Variants in NCOR1 observed in about 807,000 individuals in gnomAD.
NCOR1 encodes the protein nuclear receptor corepressor 1, also known as protein phosphatase 1, regulatory subunit 109.
Under a neutral mutation model 288.1 loss-of-function variants are expected in NCOR1, and 63 were observed. The observed-to-expected ratio is 0.22, with a 90% confidence interval of 0.18 to 0.27. The LOEUF (loss-of-function observed/expected upper bound fraction) is 0.27. Ranked by LOEUF, NCOR1 falls within the 10% of genes least tolerant of loss-of-function variation. The pLI is 1.00. For missense variants in NCOR1, 2,397 were observed against 3,019.2 expected, an observed-to-expected ratio of 0.79 and a Z score of 4.83; for synonymous variants, 1,007 against 1,065.9, an observed-to-expected ratio of 0.94 and a Z score of 1.08.
intron 42 of NCOR1, among the ~76,000 whole-genome samples, chr17:16,041,496 C>T (rs1445369428): frequency 6.7e-6 from 1 of 148,962 alleles, no homozygotes; most frequent in Non-Finnish European, 1.5e-5. Context: ...TCACTGCAAC[C>T]TCTGCCTCCT....
chr17:16,199,774 A>G (rs1034146514), intron 1 of NCOR1, among the ~76,000 whole-genome samples: 6 of 152,186 alleles, frequency 3.9e-5, no homozygotes, highest in African/African-American at 1.4e-4. Context: ...TGTTTAAGAA[A>G]TCTGATCGAG....
At chr17:16,198,735 A>C (rs2090302942) in intron 1 of NCOR1, 1 of 152,224 alleles carries the variant, frequency 6.6e-6, no homozygotes, top group Admixed American at 6.5e-5. Context: ...AAAAAAAAAA[A>C]AAAAAGAGTA....
intron 18 of NCOR1, among the ~76,000 whole-genome samples, 164 bp from the exon 19 acceptor site, chr17:16,109,076 T>A (rs1338822837): frequency 6.6e-6 from 1 of 152,136 alleles, no homozygotes; most frequent in Non-Finnish European, 1.5e-5. Context: ...CTCTCCATAA[T>A]CACTAACTGG....
At chr17:16,094,854 C>T (rs937675379) in intron 21 of NCOR1, among the ~76,000 whole-genome samples, 2 of 152,168 alleles carry the variant, frequency 1.3e-5, no homozygotes, top group African/African-American at 2.4e-5. Flanking sequence ...GATGGAGTCT[C>T]GTTAACTCAG....
At chr17:16,074,075 A>G (rs866852624) in intron 27 of NCOR1, among the ~76,000 whole-genome samples, 15 of 152,208 alleles carry the variant, frequency 9.9e-5, no homozygotes, top group Admixed American at 2.0e-4. Context: ...GAAAGGTACA[A>G]TAAAAGAACG....
chr17:16,081,004 C>T (rs1455170415), intron 23 of NCOR1, among the ~76,000 whole-genome samples: 2 of 151,666 alleles, frequency 1.3e-5, no homozygotes, highest in African/African-American at 4.8e-5. Flanking sequence ...ATAAATAAAG[C>T]ACTTATATGT....
intron 21 of NCOR1, among the ~76,000 whole-genome samples, chr17:16,092,274 G>C (rs532741745): frequency 7.2e-5 from 11 of 152,218 alleles, no homozygotes; most frequent in Middle Eastern, 3.4e-3. Flanking sequence ...CAGATCACCT[G>C]AGGTCGGGAG....
At chr17:16,169,321 T>C (rs1011629670) in intron 4 of NCOR1, among the ~76,000 whole-genome samples, 5 of 152,070 alleles carry the variant, frequency 3.3e-5, no homozygotes, top group Non-Finnish European at 7.4e-5. Context: ...AAAATTAAAA[T>C]AATACACATA....
intron 42 of NCOR1, 30 bp downstream of exon 42, chr17:16,046,921 T>C: frequency 6.2e-7 from 1 of 1,610,468 alleles, no homozygotes. Flanking sequence ...GCATGTTTTA[T>C]TTGGGGTTCA....
intron 29 of NCOR1, 90 bp from the exon 30 acceptor site, chr17:16,071,755 T>A: frequency 2.6e-6 from 3 of 1,173,788 alleles, no homozygotes; most frequent in South Asian, 1.6e-5. Flanking sequence ...GTTAAAATGG[T>A]AAATTTTGTT....
chr17:16,212,605 A>G (rs1471569225), intron 1 of NCOR1, among the ~76,000 whole-genome samples: 1 of 152,234 alleles, frequency 6.6e-6, no homozygotes, highest in African/African-American at 2.4e-5. Flanking sequence ...ATTACAACTA[A>G]GATAGATCAC....
In NCOR1 at chr17:16,032,049, T is replaced by G; in HGVS notation, c.*247A>C. ...CTGTTCACTTTTTAAAAACTCTACATCTCAACCCTCCACTATTATTATAGT... is the reference window on the plus strand; with the variant it reads ...CTGTTCACTTTTTAAAAACTCTACAGCTCAACCCTCCACTATTATTATAGT... On this transcript the variant is annotated 3_prime_UTR_variant, in exon 46 of 46. Coordinates refer to ENST00000268712, the MANE Select transcript of NCOR1 (RefSeq NM_006311.4). The G allele has an allele frequency of 2.2e-6, 1 of 457,718 alleles. No individual in the cohort carries two copies. Among genetic ancestry groups the G allele is most frequent in the Non-Finnish European group, 3.8e-6 (1 of 260,680 alleles). The allele number at this position is 457,718 out of a possible 1,614,324, so 28.4% of individuals were successfully genotyped here. A position where few individuals can be genotyped will look rare whatever the true frequency, so the allele number is the denominator to read the frequency against.
Position 16,074,328 on chromosome 17 carries a change from A to T in NCOR1, c.3671-759T>A, listed in dbSNP as rs2062128776. 2.0e-5 allele frequency among the ~76,000 whole-genome samples: 3 copies of T among 152,182 alleles called. No homozygotes were observed. The South Asian group carries it at 6.2e-4, about 32-fold the overall frequency. On this transcript the variant is annotated intron_variant, in intron 27 of 45. Transcript: ENST00000268712. ...TATGGGTGAGACTGAAGGTAGGGAG[A>T]TGAGTTAGGTGGCTGCTGGGTTAAA...
In NCOR1 at chr17:16,048,970, T is replaced by G; in HGVS notation, c.6411A>C (p.Pro2137=). 1 of 1,610,544 alleles carries G rather than the reference T, an allele frequency of 6.2e-7. No individual in the cohort carries two copies. The highest frequency in any genetic ancestry group is 1.1e-5 in the South Asian group (1 of 90,640). ...KSRGSRPGKS[P]ERSHVSSEPY... ...GCTCCGAAGAGACGTGACTCCTCTC[T>G]GGGGATTTTCCAGGCCTACTATTGT... Residue 2137 remains proline, a synonymous_variant, in exon 41 of 46, where the codon CCA becomes CCC. Transcript: ENST00000268712.
At chr17:16,079,915 A>AT (rs763882067) in intron 26 of NCOR1, 49 bp downstream of exon 26, 9 of 1,482,596 alleles carry the variant, frequency 6.1e-6, no homozygotes, top group Non-Finnish European at 7.5e-6. Flanking sequence ...ATTATTTATC[A>AT]TTTTTTCCTG....
Position 16,071,584 on chromosome 17 carries a change from C to T in NCOR1, c.3977G>A (p.Arg1326Gln), listed in dbSNP as rs1219026707. 1.2e-6 allele frequency: 2 copies of T among 1,613,836 alleles called. No homozygotes were observed. The highest frequency in any genetic ancestry group is 2.2e-5 in the East Asian group (1 of 44,874). The change falls in exon 30 of 46, where the codon CGA becomes CAA. Residue 1326 changes from arginine to glutamine, a missense_variant. Physicochemically the swap from Arg to Gln is conservative, Grantham distance 43 (BLOSUM62 1). Coordinates refer to ENST00000268712, the MANE Select transcript of NCOR1 (RefSeq NM_006311.4). Reference protein sequence around the residue: ...KQIKRESPPIRAFEGAITKGK... With the variant: ...KQIKRESPPIQAFEGAITKGK... ...TTTGGTAATGGCACCTTCAAATGCT[C>T]GTATGGGAGGACTTTCCCTTTTAAT...
chr17:16,127,451 A>ATG (rs2074640707), intron 14 of NCOR1, among the ~76,000 whole-genome samples: 1 of 145,756 alleles, frequency 6.9e-6, no homozygotes, highest in Admixed American at 6.9e-5. Flanking sequence ...ATATGTGTAT[A>ATG]TGTATATATA....
intron 40 of NCOR1, among the ~76,000 whole-genome samples, chr17:16,055,015 G>GA (rs1290981638): frequency 4.6e-5 from 7 of 152,066 alleles, no homozygotes; most frequent in African/African-American, 1.7e-4. Context: ...ATTAAAAAGT[G>GA]AAAAAATAAC....
chr17:16,094,580 C>T (rs1242678575), intron 21 of NCOR1, among the ~76,000 whole-genome samples: 4 of 152,106 alleles, frequency 2.6e-5, no homozygotes, highest in African/African-American at 9.7e-5. Flanking sequence ...TCTCCCCTCT[C>T]TCCTCCCCTT....
Sources: gnomAD v4.1 joint callset for allele counts (sites outside exome capture counted in the v4.1 genomes callset) on GRCh38, gnomAD v4.1.1 for gene constraint, MANE v1.5 for transcripts, NCBI Gene and HGNC (gene_info 2026-07-23, HGNC 2026-07-21) for gene names.